Variants in CACUL1 observed in about 807,000 individuals in gnomAD.
CACUL1 encodes CDK2-associated and cullin domain-containing protein 1.
CACUL1 carries 13 observed loss-of-function variants against 45.2 expected under a neutral mutation model. That is an observed-to-expected ratio of 0.29 (90% CI 0.19 to 0.46). The LOEUF is 0.46. Ranked by LOEUF, CACUL1 falls within the 20% of genes least tolerant of loss-of-function variation. The pLI is 1.00. For synonymous variants in CACUL1, 197 were observed against 174.2 expected (o/e 1.13, Z -1.03); for missense variants, 421 against 471.4 (o/e 0.89, Z 0.99).
At chr10:118,686,438 A>G (rs1199086867) in intron 8 of CACUL1, among the ~76,000 whole-genome samples, 160 bp downstream of exon 8, 3 of 152,170 alleles carry the variant, frequency 2.0e-5, no homozygotes, top group Non-Finnish European at 4.4e-5. Flanking sequence ...TACCAGCTGG[A>G]GCTGCCACAG....
chr10:118,709,676 CTAAATAT>C (rs1221329387), intron 3 of CACUL1, among the ~76,000 whole-genome samples: 1 of 152,162 alleles, frequency 6.6e-6, no homozygotes, highest in Non-Finnish European at 1.5e-5. Flanking sequence ...GGAAGGATTC[CTAAATAT>C]TAAATTTTAA....
chr10:118,727,872 G>C (rs1845665513), intron 3 of CACUL1, among the ~76,000 whole-genome samples: 1 of 152,166 alleles, frequency 6.6e-6, no homozygotes, highest in Non-Finnish European at 1.5e-5. Context: ...ACTGGATTCA[G>C]GTAGAAATTC....
intron 1 of CACUL1, among the ~76,000 whole-genome samples, chr10:118,751,633 C>T (rs186871334): frequency 9.2e-4 from 140 of 152,282 alleles, no homozygotes; most frequent in Middle Eastern, 6.8e-3. Flanking sequence ...TAAGGCAAGC[C>T]TCCCATCCCC....
In CACUL1 at chr10:118,680,781, G is replaced by C. The variant is rs969112571; in HGVS notation, c.*5347C>G. 11 of 152,112 alleles carry C rather than the reference G, an allele frequency of 7.2e-5. No individual in the cohort carries two copies. Among genetic ancestry groups the C allele is most frequent in the Non-Finnish European group, 1.5e-5 (1 of 68,012 alleles). 9.4% of individuals were successfully genotyped at this position (152,112 alleles called of 1,614,324 possible). On this transcript the variant is annotated 3_prime_UTR_variant, in exon 9 of 9. Transcript: ENST00000369151. Reference sequence around the variant, plus strand: ...TGTTACACACTGTTTTTTAGCACTGGTTGCAGAAGTCAAGATCAACACTCA... The same window carrying C: ...TGTTACACACTGTTTTTTAGCACTGCTTGCAGAAGTCAAGATCAACACTCA...
At chr10:118,728,457 G>A (rs1845671820) in intron 3 of CACUL1, among the ~76,000 whole-genome samples, 1 of 152,010 alleles carries the variant, frequency 6.6e-6, no homozygotes. Context: ...GGGACTACAG[G>A]AGTGTGCAAT....
At chr10:118,697,267 C>T (rs1362521451) in intron 5 of CACUL1, among the ~76,000 whole-genome samples, 1 of 152,074 alleles carries the variant, frequency 6.6e-6, no homozygotes, top group African/African-American at 2.4e-5. Context: ...GAAACTGAGG[C>T]CAAAATAAAA....
In CACUL1 at chr10:118,716,411, G is replaced by A. The variant is rs183465861; in HGVS notation, c.598-8824C>T. The stretch of plus-strand genomic sequence containing the variant: ...TATAGATCGTCACCATCTCTCCCAG[G>A]TCAAATTTCTTTCTATAACCTAATT... On this transcript the variant is annotated intron_variant, in intron 3 of 8. Coordinates refer to ENST00000369151, the MANE Select transcript of CACUL1 (RefSeq NM_153810.5). Among the ~76,000 whole-genome samples the A allele has an allele frequency of 7.3e-5, 11 of 151,502 alleles. No homozygotes were observed. In the East Asian group the frequency reaches 2.1e-3, roughly 29 times the overall value.
At chr10:118,738,144 C>T (rs1223193920) in intron 1 of CACUL1, among the ~76,000 whole-genome samples, 1 of 152,166 alleles carries the variant, frequency 6.6e-6, no homozygotes, top group Non-Finnish European at 1.5e-5. Flanking sequence ...GTAAACAAAC[C>T]TTGCCCTGTA....
chr10:118,703,662 T>A (rs1845406401), intron 4 of CACUL1, among the ~76,000 whole-genome samples: 1 of 152,224 alleles, frequency 6.6e-6, no homozygotes, highest in Admixed American at 6.5e-5. Context: ...AAAGAGGCTT[T>A]ACCAATTTAC....
At chr10:118,722,934 C>G (rs1261203236) in intron 3 of CACUL1, among the ~76,000 whole-genome samples, 1 of 152,200 alleles carries the variant, frequency 6.6e-6, no homozygotes, top group African/African-American at 2.4e-5. Context: ...CCCTCTCCCT[C>G]GTTCTAGAAA....
In CACUL1 at chr10:118,731,453, T is replaced by C. The variant is rs117985854; in HGVS notation, c.368-1043A>G. ...TATGTACCATCTATATCATTTTTGT[T>C]CAATACTTTCTTTAAATCAATCCAC... On this transcript the variant is annotated intron_variant, in intron 1 of 8. Transcript: ENST00000369151. Among the ~76,000 whole-genome samples the C allele has an allele frequency of 8.3e-3, 1,258 of 152,330 alleles. 11 individuals carry two copies. The highest frequency in any genetic ancestry group is 0.012 in the Non-Finnish European group (821 of 68,022).
At chr10:118,724,230 A>C (rs1845629649) in intron 3 of CACUL1, among the ~76,000 whole-genome samples, 1 of 152,202 alleles carries the variant, frequency 6.6e-6, no homozygotes, top group African/African-American at 2.4e-5. Flanking sequence ...AAGCTCTATT[A>C]AATTTCTCAG....
intron 1 of CACUL1, among the ~76,000 whole-genome samples, chr10:118,753,269 G>A (rs578002881): frequency 1.3e-5 from 2 of 152,346 alleles, no homozygotes; most frequent in South Asian, 4.1e-4. Flanking sequence ...CTTTGACTAA[G>A]GCAGTATCTT....
intron 4 of CACUL1, among the ~76,000 whole-genome samples, chr10:118,706,505 A>G (rs1845433683): frequency 6.6e-6 from 1 of 152,074 alleles, no homozygotes; most frequent in South Asian, 2.1e-4. Context: ...CCAGGCTTAC[A>G]CTCTTCCCAG....
intron 4 of CACUL1, among the ~76,000 whole-genome samples, chr10:118,704,067 G>A (rs1845410326): frequency 6.6e-6 from 1 of 151,730 alleles, no homozygotes; most frequent in South Asian, 2.1e-4. Context: ...GGGTGACAGA[G>A]CGAGACTCCG....
chr10:118,735,454 C>T (rs1480832776), intron 1 of CACUL1, among the ~76,000 whole-genome samples: 1 of 152,176 alleles, frequency 6.6e-6, no homozygotes, highest in Non-Finnish European at 1.5e-5. Context: ...ACTGTCAGGC[C>T]CCAACACAGA....
At chr10:118,745,721 T>A (rs189428196) in intron 1 of CACUL1, among the ~76,000 whole-genome samples, 21 of 152,196 alleles carry the variant, frequency 1.4e-4, no homozygotes, top group African/African-American at 5.1e-4. Context: ...TTAAAAAAGA[T>A]CCAACCATAT....
At chr10:118,720,065 T>C (rs1406363111) in intron 3 of CACUL1, among the ~76,000 whole-genome samples, 2 of 152,224 alleles carry the variant, frequency 1.3e-5, no homozygotes, top group Non-Finnish European at 2.9e-5. Flanking sequence ...ATATTTCTCT[T>C]TTCACTTAGA....
intron 3 of CACUL1, among the ~76,000 whole-genome samples, chr10:118,716,619 T>C (rs76859208): frequency 6.6e-6 from 1 of 151,406 alleles, no homozygotes; most frequent in Non-Finnish European, 1.5e-5. Flanking sequence ...TTTTTTTTTT[T>C]TGAGACAGAG....
Sources: gnomAD v4.1 joint callset for allele counts (sites outside exome capture counted in the v4.1 genomes callset) on GRCh38, gnomAD v4.1.1 for gene constraint, MANE v1.5 for transcripts, NCBI Gene and HGNC (gene_info 2026-07-23, HGNC 2026-07-21) for gene names.